NKD1: variants seen among roughly 807,000 people sequenced by gnomAD.
The protein encoded by NKD1 is protein naked cuticle homolog 1.
NKD1 carries 21 observed loss-of-function variants against 56.0 expected under a neutral mutation model. The ratio of observed to expected loss-of-function variants is 0.38; its 90% CI spans 0.27 to 0.54. The LOEUF (loss-of-function observed/expected upper bound fraction) is 0.54, where lower values mean the gene tolerates loss of function less well. NKD1 is among the 20% of genes least tolerant of loss of function. The pLI is 0.82. For missense variants in NKD1, 578 were observed against 642.7 expected, an observed-to-expected ratio of 0.90 and a Z score of 1.09; for synonymous variants, 263 against 265.7, an observed-to-expected ratio of 0.99 and a Z score of 0.10.
At chr16:50,550,094 A>G (rs1476434559) in intron 3 of NKD1, among the ~76,000 whole-genome samples, 3 of 151,840 alleles carry the variant, frequency 2.0e-5, no homozygotes, top group Non-Finnish European at 4.4e-5. Flanking sequence ...TACTTGGCAT[A>G]TGAGATAGAG....
Position 50,585,187 on chromosome 16 carries a change from G to A in NKD1, c.193-23107G>A, listed in dbSNP as rs1039410332. On this transcript the variant is annotated intron_variant, in intron 3 of 9. Coordinates refer to ENST00000268459, the MANE Select transcript of NKD1 (RefSeq NM_033119.5). ...ATGGGGAAACCTGTCATTAGATTCC[G>A]ATTTTGAACATGTAGTACCTGCCAC... Among the ~76,000 whole-genome samples the A allele has an allele frequency of 7.2e-5, 11 of 152,304 alleles. No homozygotes were observed. The East Asian group carries it at 1.7e-3, about 24-fold the overall frequency.
In NKD1 at chr16:50,636,626, C is replaced by T. The variant is rs1962473958; in HGVS notation, c.*2845C>T. ...GTGCTTCAATTGAAATACTGTGCCT[C>T]AGTTTCTCCTTTATAAAGGCAGGGA... On this transcript the variant is annotated 3_prime_UTR_variant, in exon 10 of 10. Coordinates refer to ENST00000268459, the MANE Select transcript of NKD1 (RefSeq NM_033119.5). 2 of 152,208 alleles carry T rather than the reference C, an allele frequency of 1.3e-5. No homozygotes were observed. The highest frequency in any genetic ancestry group is 2.9e-5 in the Non-Finnish European group (2 of 68,040). 9.4% of individuals were successfully genotyped at this position (152,208 alleles called of 1,614,324 possible). A position where few individuals can be genotyped will look rare whatever the true frequency, so the allele number is the denominator to read the frequency against.
chr16:50,648,240 A>G lies in NKD1; in HGVS notation c.*14459A>G, dbSNP rs1167034838. 6.5e-6 allele frequency: 1 copy of G among 152,788 alleles called. No homozygotes were observed. The highest frequency in any genetic ancestry group is 1.5e-5 in the Non-Finnish European group (1 of 68,166). The allele number at this position is 152,788 out of a possible 1,614,324, so 9.5% of individuals were successfully genotyped here. On this transcript the variant is annotated 3_prime_UTR_variant, in exon 10 of 10. Transcript: ENST00000268459. Reference sequence around the variant, plus strand: ...CCTCATTCCTGTCCTTCTCACAGTCAGTCCCTCTTGGCTCTTCCTAGAGTC... The same window carrying G: ...CCTCATTCCTGTCCTTCTCACAGTCGGTCCCTCTTGGCTCTTCCTAGAGTC...
chr16:50,615,957 A>T, intron 4 of NKD1: 1 of 434,930 alleles, frequency 2.3e-6, no homozygotes, highest in South Asian at 1.6e-5. Flanking sequence ...TGCACATATG[A>T]TATCTTTCTC....
At chr16:50,583,037 A>G (rs1961151778) in intron 3 of NKD1, among the ~76,000 whole-genome samples, 1 of 152,156 alleles carries the variant, frequency 6.6e-6, no homozygotes, top group South Asian at 2.1e-4. Flanking sequence ...GCTCCATTTC[A>G]GGATGTGTGC....
Position 50,633,277 on chromosome 16 carries a change from C to T in NKD1, c.909C>T (p.Ile303=). 1.2e-6 allele frequency: 2 copies of T among 1,614,186 alleles called. No homozygotes were observed. Among genetic ancestry groups the T allele is most frequent in the African/African-American group, 1.3e-5 (1 of 75,058 alleles). ...TRSRSHEPEA[I]HIPHRKPQGV... ...CTCGCTCCCATGAGCCGGAAGCCAT[C>T]CACATCCCACACCGAAAGCCCCAAG... The change falls in exon 10 of 10, where the codon ATC becomes ATT. Residue 303 remains isoleucine, a synonymous_variant. Coordinates refer to ENST00000268459, the MANE Select transcript of NKD1 (RefSeq NM_033119.5). The surrounding 1 kb of genome is among the most constrained non-coding windows in gnomAD (Gnocchi z 4.9).
At chr16:50,555,907 G>A (rs1301343523) in intron 3 of NKD1, 1 of 152,266 alleles carries the variant, frequency 6.6e-6, no homozygotes, top group Non-Finnish European at 1.5e-5. Context: ...TGCCGCTCTT[G>A]TCTCTCACAG....
At chr16:50,558,291 G>C (rs1424291977) in intron 3 of NKD1, 1 of 152,266 alleles carries the variant, frequency 6.6e-6, no homozygotes, top group African/African-American at 2.4e-5. Context: ...GGTGGTGGTA[G>C]AGAAGCAGTA....
chr16:50,616,387 A>AAG lies in NKD1; in HGVS notation c.260-5213_260-5212dup, dbSNP rs1414908543. On this transcript the variant is annotated intron_variant, in intron 4 of 9. Coordinates refer to ENST00000268459, the MANE Select transcript of NKD1 (RefSeq NM_033119.5). ...GCACCAGGCCTTTCTGGATTGTGTT[A>AAG]AGATAAGCTGGCATTTACTGGTATC... Among the ~76,000 whole-genome samples the AAG allele has an allele frequency of 3.9e-5, 6 of 152,306 alleles. No homozygotes were observed. The East Asian group carries it at 9.6e-4, about 24-fold the overall frequency.
intron 3 of NKD1, chr16:50,574,701 G>A: frequency 1.0e-6 from 1 of 985,462 alleles, no homozygotes; most frequent in Non-Finnish European, 1.2e-6. Context: ...CCCAGGCAGA[G>A]GCCCTCTGAG....
chr16:50,628,117 C>T (rs1001317725), intron 6 of NKD1, among the ~76,000 whole-genome samples: 2 of 152,050 alleles, frequency 1.3e-5, no homozygotes, highest in Non-Finnish European at 2.9e-5. Context: ...ACTTATGGCC[C>T]CCACAATTTC....
chr16:50,560,681 A>C (rs1367667818), intron 3 of NKD1, among the ~76,000 whole-genome samples: 1 of 151,012 alleles, frequency 6.6e-6, no homozygotes, highest in Non-Finnish European at 1.5e-5. Flanking sequence ...GGTTCATGAC[A>C]TCAATTTAGT....
chr16:50,641,975 G>A lies in NKD1; in HGVS notation c.*8194G>A, dbSNP rs547296957. On this transcript the variant is annotated 3_prime_UTR_variant, in exon 10 of 10. Coordinates refer to ENST00000268459, the MANE Select transcript of NKD1 (RefSeq NM_033119.5). The stretch of plus-strand genomic sequence containing the variant: ...TCAAAAGACTGGCTGGATTGTACCC[G>A]GCTCAGTGACTTCCCCTCTTTGAGA... The A allele has an allele frequency of 2.6e-5, 4 of 152,346 alleles. 1 individual carries two copies. The highest frequency in any genetic ancestry group is 9.6e-5 in the African/African-American group (4 of 41,558). 9.4% of individuals were successfully genotyped at this position (152,346 alleles called of 1,614,324 possible).
chr16:50,559,978 C>T (rs897378705), intron 3 of NKD1, among the ~76,000 whole-genome samples: 3 of 152,130 alleles, frequency 2.0e-5, no homozygotes, highest in African/African-American at 4.8e-5. Context: ...TCAGAGGCCT[C>T]GGCTTGCGGT....
chr16:50,649,147 T>C lies in NKD1; in HGVS notation c.*15366T>C, dbSNP rs928480804. On this transcript the variant is annotated 3_prime_UTR_variant, in exon 10 of 10. Coordinates refer to ENST00000268459, the MANE Select transcript of NKD1 (RefSeq NM_033119.5). ...CAGTCAGATTCGTCTAATCCTCCTT[T>C]AAAGATGGTGGCAGTGAAACTGGTA... is the stretch of plus-strand genomic sequence containing the variant. 6.6e-6 allele frequency: 1 copy of C among 152,232 alleles called. No homozygotes were observed. Among genetic ancestry groups the C allele is most frequent in the Non-Finnish European group, 1.5e-5 (1 of 68,046 alleles). The allele number at this position is 152,232 out of a possible 1,614,324, so 9.4% of individuals were successfully genotyped here.
At chr16:50,625,806 C>G (rs1468732131) in intron 6 of NKD1, among the ~76,000 whole-genome samples, 5 of 151,572 alleles carry the variant, frequency 3.3e-5, no homozygotes, top group Non-Finnish European at 7.4e-5. Flanking sequence ...CTCCCCTGCT[C>G]TCAGCCCAGG....
chr16:50,594,915 G>A (rs1961442509), intron 3 of NKD1, among the ~76,000 whole-genome samples: 2 of 152,190 alleles, frequency 1.3e-5, no homozygotes, highest in South Asian at 4.1e-4. Context: ...AGCACCTCGT[G>A]GGAGGCCTGC....
At position 50,639,142 on chromosome 16, in the gene NKD1, G is replaced by A. The variant is rs1962529105; in HGVS notation, c.*5361G>A. The stretch of plus-strand genomic sequence containing the variant: ...TGATGCTGAGTGGTGGGTCTGGGGT[G>A]TGGCCCAGGCATCATGATGTTTCAG... On this transcript the variant is annotated 3_prime_UTR_variant, in exon 10 of 10. Transcript: ENST00000268459. 6.6e-6 allele frequency: 1 copy of A among 152,164 alleles called. No homozygotes were observed. Among genetic ancestry groups the A allele is most frequent in the Non-Finnish European group, 1.5e-5 (1 of 68,064 alleles). The allele number at this position is 152,164 out of a possible 1,614,324, so 9.4% of individuals were successfully genotyped here.
chr16:50,556,687 C>T (rs1960510630), intron 3 of NKD1: 1 of 151,270 alleles, frequency 6.6e-6, no homozygotes, highest in African/African-American at 2.4e-5. Context: ...GATAATTTAG[C>T]ACTATCTATT....
Sources: allele counts gnomAD v4.1 joint callset (sites outside exome capture counted in the v4.1 genomes callset), GRCh38; gene constraint gnomAD v4.1.1; non-coding constraint Gnocchi (gnomAD v3.1); transcripts MANE v1.5; gene names NCBI Gene and HGNC (gene_info 2026-07-23, HGNC 2026-07-21).